GCNT2: variants seen among roughly 807,000 people sequenced by gnomAD.
GCNT2 encodes glucosaminyl (N-acetyl) transferase 2 (I blood group), also known as N-acetyllactosaminide beta-1,6-N-acetylglucosaminyl-transferase.
GCNT2 carries 34 observed loss-of-function variants against 34.2 expected under a neutral mutation model. That is an observed-to-expected ratio of 1.00 (90% CI 0.76 to 1.32). GCNT2 has a LOEUF of 1.32. GCNT2 is among the 40% of genes most tolerant of loss of function. The pLI, the probability that GCNT2 is intolerant of heterozygous loss-of-function variation, is 0.00. For missense variants in GCNT2, 584 were observed against 489.4 expected (o/e 1.19, Z -1.82); for synonymous variants, 212 against 188.0 (o/e 1.13, Z -1.04).
intron 3 of GCNT2, among the ~76,000 whole-genome samples, chr6:10,539,479 G>A (rs540347501): frequency 6.6e-6 from 1 of 152,156 alleles, no homozygotes; most frequent in African/African-American, 2.4e-5. Flanking sequence ...GTGAGCCACT[G>A]CGCCCGGCCC....
At chr6:10,580,558 A>C (rs1764026327) in intron 3 of GCNT2, among the ~76,000 whole-genome samples, 1 of 152,058 alleles carries the variant, frequency 6.6e-6, no homozygotes, top group Non-Finnish European at 1.5e-5. Flanking sequence ...CCTTAGACAC[A>C]GATGAAGATG....
chr6:10,567,997 A>G (rs1048258717), intron 3 of GCNT2, among the ~76,000 whole-genome samples: 7 of 152,348 alleles, frequency 4.6e-5, no homozygotes, highest in African/African-American at 7.2e-5. Flanking sequence ...AGACTTAGCT[A>G]TCGGTGGAAT....
chr6:10,544,625 AATAAAATATT>A (rs993248144), intron 3 of GCNT2, among the ~76,000 whole-genome samples: 19 of 151,102 alleles, frequency 1.3e-4, no homozygotes, highest in African/African-American at 3.9e-4. Flanking sequence ...CATAAAATAA[AATAAAATATT>A]AAATAAATAA....
Position 10,528,972 on chromosome 6 carries a change from G to C in GCNT2, c.61G>C (p.Val21Leu). 1 of 1,613,936 alleles carries C rather than the reference G, an allele frequency of 6.2e-7. No individual in the cohort carries two copies. Among genetic ancestry groups the C allele is most frequent in the East Asian group, 2.2e-5 (1 of 44,882 alleles). ...GTCTCTTATCTCTGCCCTGATTTTT[G>C]TATTTGTTTACAATACTGAGTTATG... The part of the protein sequence containing the change: ...SASLISALIF[V>L]FVYNTELWEN... The change falls in exon 3 of 5, where the codon GTA becomes CTA. Residue 21 changes from valine to leucine, a missense_variant. Physicochemically the swap from Val to Leu is conservative, Grantham distance 32. Coordinates refer to ENST00000495262, the MANE Select transcript of GCNT2 (RefSeq NM_145649.5).
intron 3 of GCNT2, among the ~76,000 whole-genome samples, chr6:10,563,098 T>C (rs1185044584): frequency 6.6e-6 from 1 of 151,890 alleles, no homozygotes; most frequent in African/African-American, 2.4e-5. Context: ...GAGGTTGCAG[T>C]GAATTGAGAT....
At chr6:10,527,940 A>G (rs1181554966) in intron 2 of GCNT2, among the ~76,000 whole-genome samples, 2 of 152,194 alleles carry the variant, frequency 1.3e-5, no homozygotes, top group Non-Finnish European at 2.9e-5. Flanking sequence ...CTAAAATTCA[A>G]GACTGAGATG....
At chr6:10,620,071 G>A (rs922256092) in intron 3 of GCNT2, among the ~76,000 whole-genome samples, 1 of 152,188 alleles carries the variant, frequency 6.6e-6, no homozygotes, top group Admixed American at 6.5e-5. Flanking sequence ...CAGCTGATCA[G>A]CAACTTTAAT....
intron 1 of GCNT2, among the ~76,000 whole-genome samples, chr6:10,522,741 A>G (rs1237358681): frequency 6.6e-6 from 1 of 152,176 alleles, no homozygotes; most frequent in African/African-American, 2.4e-5. Context: ...TCAAAATCCT[A>G]TCAAGGACTT....
rs1761359842 is a variant in GCNT2, at chr6:10,529,330, T to G, written c.419T>G (p.Val140Gly). The G allele has an allele frequency of 6.2e-7, 1 of 1,613,958 alleles. No homozygotes were observed. The highest frequency in any genetic ancestry group is 8.5e-7 in the Non-Finnish European group (1 of 1,180,006). Residue 140 changes from valine to glycine, a missense_variant, in exon 3 of 5, where the codon GTG becomes GGG. Physicochemically the swap from Val to Gly is moderately radical, Grantham distance 109. Coordinates refer to ENST00000495262, the MANE Select transcript of GCNT2 (RefSeq NM_145649.5). ...GCGACGGATGCCTTTAAAGGTGCAG[T>G]GAAACAGTTACTCAGCTGCTTCCCA... ...QKATDAFKGAVKQLLSCFPNA... is the reference protein window; with the variant it reads ...QKATDAFKGAGKQLLSCFPNA...
At position 10,582,345 on chromosome 6, in the gene GCNT2, TATAG is replaced by T. The variant is rs1206147635; in HGVS notation, c.926-39005_926-39002del. ...TAAATATAATATATACTATATAATA[TATAG>T]TAATATTAAATATAATATATACTAT... On this transcript the variant is annotated intron_variant, in intron 3 of 4. Coordinates refer to ENST00000495262, the MANE Select transcript of GCNT2 (RefSeq NM_145649.5). 3.6e-3 allele frequency among the ~76,000 whole-genome samples: 390 copies of T among 107,092 alleles called. 4 individuals are homozygous for T. The highest frequency in any genetic ancestry group is 0.019 in the African/African-American group (364 of 19,180). 70.3% of individuals were successfully genotyped at this position (107,092 alleles called of 152,430 possible).
chr6:10,563,603 G>A (rs1358569817), intron 3 of GCNT2, among the ~76,000 whole-genome samples: 11 of 151,520 alleles, frequency 7.3e-5, no homozygotes, highest in African/African-American at 2.2e-4. Context: ...TTAGCCTGGC[G>A]TGGTGGCAGG....
intron 3 of GCNT2, chr6:10,581,795 T>G (rs1240213361): frequency 1.0e-6 from 1 of 985,066 alleles, no homozygotes; most frequent in Non-Finnish European, 1.2e-6. Context: ...TCACTCCAAC[T>G]TTCCCCTTCT....
chr6:10,551,349 G>T (rs551292242), intron 3 of GCNT2, among the ~76,000 whole-genome samples: 1 of 151,778 alleles, frequency 6.6e-6, no homozygotes, highest in Non-Finnish European at 1.5e-5. Flanking sequence ...TGGACTTGCC[G>T]CCTGGGTCTT....
chr6:10,596,399 T>C (rs1012193238), intron 3 of GCNT2, among the ~76,000 whole-genome samples: 4 of 151,898 alleles, frequency 2.6e-5, no homozygotes, highest in Admixed American at 6.6e-5. Flanking sequence ...TGCATGCCTG[T>C]AATCCCAGCC....
chr6:10,628,575 T>C lies in GCNT2; in HGVS notation c.*1968T>C, dbSNP rs1461488079. ...AGTGGGCTCCAAGCACAAACTGCCA[T>C]TGGCTATAGATGGGACTGTGTCCCC... is the stretch of plus-strand genomic sequence containing the variant. On this transcript the variant is annotated 3_prime_UTR_variant, in exon 5 of 5. Transcript: ENST00000495262. The C allele has an allele frequency of 1.3e-5, 2 of 152,306 alleles. No homozygotes were observed. The highest frequency in any genetic ancestry group is 3.9e-4 in the East Asian group (2 of 5,176). 9.4% of individuals were successfully genotyped at this position (152,306 alleles called of 1,614,324 possible). A position where few individuals can be genotyped will look rare whatever the true frequency, so the allele number is the denominator to read the frequency against.
intron 3 of GCNT2, chr6:10,586,727 TACTA>T: frequency 2.5e-6 from 4 of 1,613,908 alleles, no homozygotes; most frequent in Non-Finnish European, 3.4e-6. Flanking sequence ...TTGTGAAAAA[TACTA>T]ATATTTTGAA....
At chr6:10,556,491 C>T (rs1554129753) in intron 3 of GCNT2, 2 of 1,614,068 alleles carry the variant, frequency 1.2e-6, no homozygotes, top group South Asian at 2.2e-5. Flanking sequence ...ATCGTCTTCT[C>T]TGTGTTCAAT....
chr6:10,563,156 A>G (rs1478698005), intron 3 of GCNT2, among the ~76,000 whole-genome samples: 1 of 152,142 alleles, frequency 6.6e-6, no homozygotes, highest in Non-Finnish European at 1.5e-5. Flanking sequence ...CTCGGTCTCC[A>G]AGAAAATAAA....
chr6:10,566,061 C>A (rs149978847), intron 3 of GCNT2, among the ~76,000 whole-genome samples: 1 of 152,306 alleles, frequency 6.6e-6, no homozygotes, highest in Admixed American at 6.5e-5. Flanking sequence ...GCGCCCTTCC[C>A]CAGATAACTT....
Sources: allele counts gnomAD v4.1 joint callset (sites outside exome capture counted in the v4.1 genomes callset), GRCh38; gene constraint gnomAD v4.1.1; transcripts MANE v1.5; gene names NCBI Gene and HGNC (gene_info 2026-07-23, HGNC 2026-07-21).